Variants in THSD4 observed in about 807,000 individuals in gnomAD.
The protein encoded by THSD4 is thrombospondin type 1 domain containing 4, also known as thrombospondin type-1 domain-containing protein 4.
Under a neutral mutation model 119.0 loss-of-function variants are expected in THSD4, and 69 were observed. That is an observed-to-expected ratio of 0.58 (90% CI 0.48 to 0.71). THSD4 has a LOEUF of 0.71. THSD4 is among the 30% of genes least tolerant of loss of function. The pLI is 0.00. For missense variants in THSD4, 1,393 were observed against 1,391.1 expected (o/e 1.00, Z -0.02); for synonymous variants, 524 against 540.4 (o/e 0.97, Z 0.42).
At chr15:71,564,567 T>C (rs1282789481) in intron 7 of THSD4, among the ~76,000 whole-genome samples, 2 of 151,286 alleles carry the variant, frequency 1.3e-5, no homozygotes, top group African/African-American at 2.4e-5. Context: ...GAGACTCAGA[T>C]GTGTTTCAGA....
chr15:71,660,165 G>A (rs527273780), intron 7 of THSD4, among the ~76,000 whole-genome samples: 8 of 152,316 alleles, frequency 5.3e-5, no homozygotes, highest in Admixed American at 4.6e-4. Context: ...TGTGGCACTT[G>A]TCATGATTCC....
intron 6 of THSD4, among the ~76,000 whole-genome samples, chr15:71,381,375 G>T (rs4777380): frequency 0.27 from 40,805 of 152,056 alleles, 5,981 homozygotes; most frequent in East Asian, 0.54. Context: ...TTTAGTATTG[G>T]CTGACTTAAT....
intron 1 of THSD4, among the ~76,000 whole-genome samples, chr15:71,136,363 C>T (rs1006152061): frequency 2.0e-5 from 3 of 152,042 alleles, no homozygotes; most frequent in African/African-American, 4.8e-5. Context: ...GGAGAGTTTG[C>T]GTAAATGTCA....
chr15:71,609,121 C>G, intron 7 of THSD4, among the ~76,000 whole-genome samples: 1 of 152,162 alleles, frequency 6.6e-6, no homozygotes, highest in South Asian at 2.1e-4. Flanking sequence ...AGAACTCTTT[C>G]TTAACACACT....
At chr15:71,776,653 T>C (rs2053918451) in intron 17 of THSD4, among the ~76,000 whole-genome samples, 1 of 152,070 alleles carries the variant, frequency 6.6e-6, no homozygotes, top group Non-Finnish European at 1.5e-5. Context: ...AGGCAGAGGA[T>C]GGTAACAAAA....
chr15:71,626,100 G>A (rs368448095), intron 7 of THSD4, among the ~76,000 whole-genome samples: 9 of 152,202 alleles, frequency 5.9e-5, no homozygotes, highest in African/African-American at 2.2e-4. Context: ...ATAATGTTTG[G>A]TGCTATTGTG....
intron 12 of THSD4, among the ~76,000 whole-genome samples, 177 bp downstream of exon 12, chr15:71,745,412 G>T (rs539725566): frequency 1.8e-4 from 28 of 152,300 alleles, no homozygotes; most frequent in Non-Finnish European, 3.4e-4. Flanking sequence ...ATGAACTCAG[G>T]AGCTGATAGC....
At position 71,748,943 on chromosome 15, in the gene THSD4, T is replaced by A. The variant is rs567897643; in HGVS notation, c.2415+349T>A. On this transcript the variant is annotated intron_variant, in intron 14 of 17. Transcript: ENST00000261862. Reference sequence around the variant, plus strand: ...AATGGCAGGCCCCTCTACTGCTTTTTGCCAACTCAAAACATCCCACACCCC... The same window carrying A: ...AATGGCAGGCCCCTCTACTGCTTTTAGCCAACTCAAAACATCCCACACCCC... Among the ~76,000 whole-genome samples the A allele has an allele frequency of 5.3e-5, 8 of 152,368 alleles. No individual in the cohort carries two copies. The South Asian group carries it at 1.4e-3, about 28-fold the overall frequency.
chr15:71,686,808 C>A (rs2051921125), intron 8 of THSD4, among the ~76,000 whole-genome samples: 1 of 152,204 alleles, frequency 6.6e-6, no homozygotes, highest in African/African-American at 2.4e-5. Context: ...CACAACTACT[C>A]AACTCTCCTA....
chr15:71,613,425 T>C (rs905939818), intron 7 of THSD4, among the ~76,000 whole-genome samples: 1 of 152,196 alleles, frequency 6.6e-6, no homozygotes, highest in Non-Finnish European at 1.5e-5. Flanking sequence ...TACGAAACCC[T>C]GATTTGAAGA....
At chr15:71,655,829 C>T (rs1404755183) in intron 7 of THSD4, among the ~76,000 whole-genome samples, 1 of 152,202 alleles carries the variant, frequency 6.6e-6, no homozygotes, top group Non-Finnish European at 1.5e-5. Context: ...TGATCAGCCT[C>T]CTGATACACA....
At position 71,510,878 on chromosome 15, in the gene THSD4, A is replaced by G. The variant is rs1243025135; in HGVS notation, c.1152+99055A>G. On this transcript the variant is annotated intron_variant, in intron 7 of 17. Coordinates refer to ENST00000261862, the MANE Select transcript of THSD4 (RefSeq NM_024817.3). ...TTTGCTTGAATGTGACAGTATTGCT[A>G]TATGCTAGGCTCTTATATAAGAGGA... Among the ~76,000 whole-genome samples the G allele has an allele frequency of 3.3e-5, 4 of 120,458 alleles. No homozygotes were observed. In the East Asian group the frequency reaches 8.3e-4, roughly 25 times the overall value. The allele number at this position is 120,458 out of a possible 152,430, so 79.0% of individuals were successfully genotyped here.
intron 7 of THSD4, among the ~76,000 whole-genome samples, chr15:71,618,009 C>T (rs1240304278): frequency 1.3e-5 from 2 of 152,236 alleles, no homozygotes; most frequent in Non-Finnish European, 2.9e-5. Context: ...CAGCACACAC[C>T]TCTGAACAAC....
At chr15:71,486,766 T>C (rs2047829488) in intron 7 of THSD4, among the ~76,000 whole-genome samples, 1 of 152,106 alleles carries the variant, frequency 6.6e-6, no homozygotes, top group Admixed American at 6.5e-5. Context: ...CATGGTGAGG[T>C]AATTCTCCCA....
At chr15:71,346,730 CAG>C (rs1317677702) in intron 6 of THSD4, among the ~76,000 whole-genome samples, 1 of 152,128 alleles carries the variant, frequency 6.6e-6, no homozygotes, top group Non-Finnish European at 1.5e-5. Flanking sequence ...TGCAGTCAAA[CAG>C]AGCTGGGCAA....
At chr15:71,383,747 A>G (rs2140456476) in intron 6 of THSD4, among the ~76,000 whole-genome samples, 2 of 152,368 alleles carry the variant, frequency 1.3e-5, no homozygotes, top group Admixed American at 1.3e-4. Flanking sequence ...GAAGAAAAAA[A>G]CAATACAATC....
chr15:71,771,102 A>C lies in THSD4; in HGVS notation c.2808A>C (p.Glu936Asp), dbSNP rs1595935813. The C allele has an allele frequency of 6.2e-7, 1 of 1,614,174 alleles. No individual in the cohort carries two copies. The highest frequency in any genetic ancestry group is 8.5e-7 in the Non-Finnish European group (1 of 1,180,020). Residue 936 changes from glutamate to aspartate, a missense_variant, in exon 17 of 18, where the codon GAA (glutamate) becomes GAC (aspartate). Physicochemically the swap from Glu to Asp is conservative, Grantham distance 45 (BLOSUM62 2). Coordinates refer to ENST00000261862, the MANE Select transcript of THSD4 (RefSeq NM_024817.3). ...GCCAGGGTGGCTTTCGGGTCCGGGA[A>C]GTGCGGTGTCTGTCTGATGACATGA... ...KSCQGGFRVREVRCLSDDMTL... is the reference protein window; with the variant it reads ...KSCQGGFRVRDVRCLSDDMTL...
chr15:71,534,528 A>G (rs912412799), intron 7 of THSD4, among the ~76,000 whole-genome samples: 2 of 152,168 alleles, frequency 1.3e-5, no homozygotes, highest in African/African-American at 2.4e-5. Flanking sequence ...ATTTTTCCAA[A>G]TGAGAATAAT....
chr15:71,773,275 G>T (rs748532127), intron 17 of THSD4, among the ~76,000 whole-genome samples: 7 of 151,250 alleles, frequency 4.6e-5, no homozygotes, highest in Admixed American at 1.3e-4. Flanking sequence ...TTTGTCTCAG[G>T]CCAGATAATA....
Sources: allele counts gnomAD v4.1 joint callset (sites outside exome capture counted in the v4.1 genomes callset), GRCh38; gene constraint gnomAD v4.1.1; transcripts MANE v1.5; gene names NCBI Gene and HGNC (gene_info 2026-07-23, HGNC 2026-07-21).